The following SPDYE18 variants were observed in gnomAD, a reference collection of about 807,000 sequenced individuals.
SPDYE18 encodes speedy/RINGO cell cycle regulator family member E18, also known as speedy protein E18.
SPDYE18 carries 6 observed loss-of-function variants against 44.9 expected under a neutral mutation model. The ratio of observed to expected loss-of-function variants is 0.13; its 90% CI spans 0.07 to 0.26. The LOEUF (loss-of-function observed/expected upper bound fraction) is 0.26. Among genes scored for constraint, SPDYE18 ranks in the 10% least tolerant of loss-of-function variants. The probability of loss-of-function intolerance (pLI) is 1.00; values close to 1 mark genes in which losing one functional copy is unlikely to be tolerated. For missense variants in SPDYE18, 121 were observed against 463.2 expected, an observed-to-expected ratio of 0.26 and a Z score of 6.78; for synonymous variants, 35 against 177.1, an observed-to-expected ratio of 0.20 and a Z score of 6.37.
Position 77,050,781 on chromosome 7 carries a change from T to A in SPDYE18, c.*1144A>T, listed in dbSNP as rs1165931733. 5.9e-5 allele frequency among the ~76,000 whole-genome samples: 9 copies of A among 151,898 alleles called. No individual in the cohort carries two copies. Among genetic ancestry groups the A allele is most frequent in the African/African-American group, 2.2e-4 (9 of 41,436 alleles). Reference sequence around the variant, plus strand: ...TCTTAAAAAGGAAAACAAAATTATATGTATGTGTATATAATAGTTATAACA... The same window carrying A: ...TCTTAAAAAGGAAAACAAAATTATAAGTATGTGTATATAATAGTTATAACA... On this transcript the variant is annotated 3_prime_UTR_variant, in exon 9 of 9. Coordinates refer to ENST00000510091, the MANE Select transcript of SPDYE18 (RefSeq NM_001394953.1).
At chr7:77,060,001 G>A (rs534891069) in intron 2 of SPDYE18, among the ~76,000 whole-genome samples, 2 of 145,080 alleles carry the variant, frequency 1.4e-5, no homozygotes, top group South Asian at 4.4e-4. Context: ...CTTCCTGACC[G>A]CTGACCCTTC....
At chr7:77,054,712 G>T (rs1439319741) in intron 6 of SPDYE18, among the ~76,000 whole-genome samples, 1 of 151,148 alleles carries the variant, frequency 6.6e-6, no homozygotes, top group African/African-American at 2.4e-5. Flanking sequence ...AGCGGTTTAT[G>T]GTTCCTTTTG....
chr7:77,057,156 T>A (rs571473895), intron 4 of SPDYE18, among the ~76,000 whole-genome samples: 858 of 152,406 alleles, frequency 5.6e-3, no homozygotes, highest in Non-Finnish European at 6.8e-3. Flanking sequence ...AGTGGCCTGA[T>A]CTTGGCTCGC....
At position 77,051,232 on chromosome 7, in the gene SPDYE18, G is replaced by T. The variant is rs1339238725; in HGVS notation, c.*693C>A. Among the ~76,000 whole-genome samples the T allele has an allele frequency of 1.4e-4, 22 of 152,234 alleles. No homozygotes were observed. The highest frequency in any genetic ancestry group is 2.6e-4 in the Non-Finnish European group (18 of 67,994). On this transcript the variant is annotated 3_prime_UTR_variant, in exon 9 of 9. Transcript: ENST00000510091. ...ATAATAATACAGAAACAAATTTAAA[G>T]ATAATAAAATATTTAGGATAAAAAG...
At position 77,051,554 on chromosome 7, in the gene SPDYE18, G is replaced by T. The variant is rs1361367537; in HGVS notation, c.*371C>A. 6.6e-6 allele frequency among the ~76,000 whole-genome samples: 1 copy of T among 152,292 alleles called. No individual in the cohort carries two copies. The highest frequency in any genetic ancestry group is 1.5e-5 in the Non-Finnish European group (1 of 68,052). ...CTCCTGGACTGTGGCAACCAAGTCTGTAAGAAACAGGACCTCCAGGTTCCG... is the reference window on the plus strand; with the variant it reads ...CTCCTGGACTGTGGCAACCAAGTCTTTAAGAAACAGGACCTCCAGGTTCCG... On this transcript the variant is annotated 3_prime_UTR_variant, in exon 9 of 9. Transcript: ENST00000510091.
At chr7:77,053,947 C>T (rs542525516) in intron 6 of SPDYE18, among the ~76,000 whole-genome samples, 2 of 146,898 alleles carry the variant, frequency 1.4e-5, no homozygotes, top group South Asian at 4.7e-4. Flanking sequence ...GATATGGAGG[C>T]TGCAGTGAGC....
At position 77,050,408 on chromosome 7, in the gene SPDYE18, G is replaced by A. The variant is rs1407230109; in HGVS notation, c.*1517C>T. ...CAATATGATCACAGTTGCTGTGAAGGTGAGAAAAGTTCATTTTTATTATGT... is the reference window on the plus strand; with the variant it reads ...CAATATGATCACAGTTGCTGTGAAGATGAGAAAAGTTCATTTTTATTATGT... On this transcript the variant is annotated 3_prime_UTR_variant, in exon 9 of 9. Coordinates refer to ENST00000510091, the MANE Select transcript of SPDYE18 (RefSeq NM_001394953.1). Among the ~76,000 whole-genome samples, 1 of 152,172 alleles carries A rather than the reference G, an allele frequency of 6.6e-6. No individual in the cohort carries two copies. Among genetic ancestry groups the A allele is most frequent in the Non-Finnish European group, 1.5e-5 (1 of 68,040 alleles).
At chr7:77,058,197 T>A (rs1305545989) in intron 3 of SPDYE18, among the ~76,000 whole-genome samples, 1 of 117,368 alleles carries the variant, frequency 8.5e-6, no homozygotes, top group East Asian at 3.4e-4. Context: ...AGTGGTGCGA[T>A]CTTGGCTCAC....
intron 6 of SPDYE18, among the ~76,000 whole-genome samples, chr7:77,053,620 G>A (rs1306859708): frequency 3.3e-5 from 5 of 152,266 alleles, no homozygotes; most frequent in African/African-American, 1.2e-4. Flanking sequence ...CAGGTGGATC[G>A]CTTGAGACCA....
At chr7:77,062,089 T>C (rs1336245240) in intron 1 of SPDYE18, among the ~76,000 whole-genome samples, 2 of 137,950 alleles carry the variant, frequency 1.4e-5, no homozygotes, top group East Asian at 2.5e-4. Flanking sequence ...GATCGCACCA[T>C]TGTGCTCCAG....
rs1789804408 is a variant in SPDYE18, at chr7:77,051,779, A to G, written c.*146T>C. Among the ~76,000 whole-genome samples the G allele has an allele frequency of 6.6e-6, 1 of 150,560 alleles. No individual in the cohort carries two copies. Among genetic ancestry groups the G allele is most frequent in the Admixed American group, 6.8e-5 (1 of 14,738 alleles). On this transcript the variant is annotated 3_prime_UTR_variant, in exon 9 of 9. Coordinates refer to ENST00000510091, the MANE Select transcript of SPDYE18 (RefSeq NM_001394953.1). ...TCAAGAATGGTCCAGGTTCTTCTAG[A>G]TGATCTGCACAAATGGTTCCTCTCC...
chr7:77,053,103 T>C lies in SPDYE18; in HGVS notation c.856A>G (p.Asn286Asp). Residue 286 changes from asparagine (N) to aspartate (D), a missense_variant, in exon 7 of 9, where the codon AAC (asparagine) becomes GAC (aspartate). Physicochemically the swap from Asn to Asp is conservative, Grantham distance 23. Coordinates refer to ENST00000510091, the MANE Select transcript of SPDYE18 (RefSeq NM_001394953.1). ...CAACGGCATAACTGGAACCGACGGT[T>C]ACGGACCAAGGGTATGCGAGAGCGG... ...KTRSRIPLVR[N>D]RRFQLCRCLN... The C allele has an allele frequency of 1.2e-6, 2 of 1,614,246 alleles. No homozygotes were observed. The highest frequency in any genetic ancestry group is 1.7e-5 in the Admixed American group (1 of 60,036).
Position 77,051,793 on chromosome 7 carries a change from T to C in SPDYE18, c.*132A>G, listed in dbSNP as rs1183647936. ...GGTTCTTCTAGATGATCTGCACAAATGGTTCCTCTCCTCTTTCCTGTTGTC... is the reference window on the plus strand; with the variant it reads ...GGTTCTTCTAGATGATCTGCACAAACGGTTCCTCTCCTCTTTCCTGTTGTC... On this transcript the variant is annotated 3_prime_UTR_variant, in exon 9 of 9. Coordinates refer to ENST00000510091, the MANE Select transcript of SPDYE18 (RefSeq NM_001394953.1). Among the ~76,000 whole-genome samples the C allele has an allele frequency of 6.6e-6, 1 of 151,068 alleles. No homozygotes were observed. Among genetic ancestry groups the C allele is most frequent in the African/African-American group, 2.4e-5 (1 of 41,350 alleles).
At position 77,059,991 on chromosome 7, in the gene SPDYE18, C is replaced by T. The variant is rs558931949; in HGVS notation, c.160+362G>A. Among the ~76,000 whole-genome samples, 311 of 148,744 alleles carry T rather than the reference C, an allele frequency of 2.1e-3. 1 individual carries two copies. The highest frequency in any genetic ancestry group is 7.2e-3 in the African/African-American group (291 of 40,288). On this transcript the variant is annotated intron_variant, in intron 2 of 8. Transcript: ENST00000510091. ...TCCCACACACCCTCCTCAGGTTCTCCTTCCTGACCGCTGACCCTTCTTTTC... is the reference window on the plus strand; with the variant it reads ...TCCCACACACCCTCCTCAGGTTCTCTTTCCTGACCGCTGACCCTTCTTTTC...
chr7:77,060,955 T>G, intron 1 of SPDYE18, among the ~76,000 whole-genome samples, 22 bp from the exon 2 acceptor site: 1 of 148,422 alleles, frequency 6.7e-6, no homozygotes, highest in African/African-American at 2.5e-5. Context: ...GGGAACAGAG[T>G]GGGAAAGAAA....
rs1260534109 is a variant in SPDYE18, at chr7:77,053,097, G to C, written c.862C>G (p.Arg288Gly). The C allele has an allele frequency of 6.2e-7, 1 of 1,614,122 alleles. No homozygotes were observed. The highest frequency in any genetic ancestry group is 1.3e-5 in the African/African-American group (1 of 74,960). ...RSRIPLVRNR[R>G]FQLCRCLNPR... ...TTCAAGCAACGGCATAACTGGAACC[G>C]ACGGTTACGGACCAAGGGTATGCGA... The change falls in exon 7 of 9, where the codon CGG (arginine) becomes GGG (glycine). Residue 288 changes from arginine (R) to glycine (G), a missense_variant. By Grantham distance (125) the Arg-to-Gly change is moderately radical. Coordinates refer to ENST00000510091, the MANE Select transcript of SPDYE18 (RefSeq NM_001394953.1).
chr7:77,057,524 T>G (rs1789945773), intron 4 of SPDYE18, 113 bp downstream of exon 4: 1 of 586,426 alleles, frequency 1.7e-6, no homozygotes, highest in East Asian at 2.9e-5. Context: ...TCCTCCCACA[T>G]GGAGAGCTCA....
chr7:77,051,641 A>G lies in SPDYE18; in HGVS notation c.*284T>C, dbSNP rs540275375. The stretch of plus-strand genomic sequence containing the variant: ...TGGTGGTGCCGCAGGAAAGGGTGGA[A>G]CTGGAAACACTCCTGTTTTCTTACT... On this transcript the variant is annotated 3_prime_UTR_variant, in exon 9 of 9. Transcript: ENST00000510091. Among the ~76,000 whole-genome samples, 1 of 152,324 alleles carries G rather than the reference A, an allele frequency of 6.6e-6. No individual in the cohort carries two copies. The highest frequency in any genetic ancestry group is 2.1e-4 in the South Asian group (1 of 4,828).
chr7:77,059,633 C>T (rs1015557146), intron 2 of SPDYE18, among the ~76,000 whole-genome samples: 2 of 151,532 alleles, frequency 1.3e-5, no homozygotes, highest in Non-Finnish European at 2.9e-5. Context: ...GTCTCTGGCT[C>T]TCTGAGTCCC....
Sources: gnomAD v4.1 joint callset for allele counts (sites outside exome capture counted in the v4.1 genomes callset) on GRCh38, gnomAD v4.1.1 for gene constraint, MANE v1.5 for transcripts, NCBI Gene and HGNC (gene_info 2026-07-23, HGNC 2026-07-21) for gene names.